Variants in PUS7L observed in about 807,000 individuals in gnomAD.
PUS7L encodes the protein pseudouridylate synthase PUS7L.
PUS7L carries 49 observed loss-of-function variants against 51.1 expected under a neutral mutation model. The observed-to-expected ratio is 0.96, with a 90% CI of 0.76 to 1.22. The LOEUF (loss-of-function observed/expected upper bound fraction) is 1.22, where lower values mean the gene tolerates loss of function less well. PUS7L is among the 50% of genes most tolerant of loss of function. The pLI, the probability that PUS7L is intolerant of heterozygous loss-of-function variation, is 0.00. For synonymous variants in PUS7L, 277 were observed against 276.2 expected (o/e 1.00, Z -0.03); for missense variants, 828 against 820.6 (o/e 1.01, Z -0.11).
chr12:43,756,978 C>T (rs549054973), intron 1 of PUS7L, among the ~76,000 whole-genome samples: 1 of 152,322 alleles, frequency 6.6e-6, no homozygotes, highest in South Asian at 2.1e-4. Context: ...AGGGACCCTG[C>T]TTATTCTCCA....
Position 43,723,789 on chromosome 12 carries a change from A to G in PUS7L, c.*6587T>C, listed in dbSNP as rs912026873. The G allele has an allele frequency of 6.6e-6, 1 of 152,122 alleles. No homozygotes were observed. The highest frequency in any genetic ancestry group is 2.4e-5 in the African/African-American group (1 of 41,430). 9.4% of individuals were successfully genotyped at this position (152,122 alleles called of 1,614,324 possible). A position where few individuals can be genotyped will look rare whatever the true frequency, so the allele number is the denominator to read the frequency against. On this transcript the variant is annotated 3_prime_UTR_variant, in exon 9 of 9. Transcript: ENST00000344862. ...AAACAGATTAAAACAGTACTATAAG[A>G]GAATCTTTCTGAAACTAGAAAGCAA...
chr12:43,734,946 A>C (rs919127004), intron 7 of PUS7L, among the ~76,000 whole-genome samples: 4 of 152,202 alleles, frequency 2.6e-5, no homozygotes, highest in African/African-American at 9.7e-5. Context: ...TTCTTTTTGC[A>C]TTACAGCACT....
At chr12:43,733,187 A>C (rs970885773) in intron 7 of PUS7L, among the ~76,000 whole-genome samples, 1 of 149,490 alleles carries the variant, frequency 6.7e-6, no homozygotes, top group Non-Finnish European at 1.5e-5. Context: ...CACACACACA[A>C]AGAAAAGTTA....
intron 5 of PUS7L, chr12:43,738,827 G>A (rs1937741112): frequency 3.3e-6 from 1 of 306,128 alleles, no homozygotes; most frequent in Non-Finnish European, 6.5e-6. Context: ...GTCATTTCAG[G>A]TTCTTAACAA....
rs1944420589 is a variant in PUS7L, at chr12:43,723,485, T to A, written c.*6891A>T. On this transcript the variant is annotated 3_prime_UTR_variant, in exon 9 of 9. Coordinates refer to ENST00000344862, the MANE Select transcript of PUS7L (RefSeq NM_031292.5). ...GAGAGGTCAAGTAACATATTATTGG[T>A]CATACAGTGAGCTGTAAGTGAAATG... 1 of 152,124 alleles carries A rather than the reference T, an allele frequency of 6.6e-6. No individual in the cohort carries two copies. The highest frequency in any genetic ancestry group is 2.4e-5 in the African/African-American group (1 of 41,452). The allele number at this position is 152,124 out of a possible 1,614,324, so 9.4% of individuals were successfully genotyped here. A position where few individuals can be genotyped will look rare whatever the true frequency, so the allele number is the denominator to read the frequency against.
At chr12:43,758,167 A>G in intron 1 of PUS7L, 1 of 330,802 alleles carries the variant, frequency 3.0e-6, no homozygotes, top group Non-Finnish European at 4.3e-6. Flanking sequence ...CTGAAAGAAT[A>G]ATGATCTTTT....
chr12:43,744,104 G>T (rs1938046769), intron 4 of PUS7L, among the ~76,000 whole-genome samples: 1 of 152,050 alleles, frequency 6.6e-6, no homozygotes, highest in Non-Finnish European at 1.5e-5. Context: ...GAAAGACAGG[G>T]AATAAATGCT....
At position 43,755,075 on chromosome 12, in the gene PUS7L, A is replaced by G. The variant is rs1203926681; in HGVS notation, c.171T>C (p.Ile57=). The G allele has an allele frequency of 6.2e-7, 1 of 1,613,584 alleles. No homozygotes were observed. Among genetic ancestry groups the G allele is most frequent in the Admixed American group, 1.7e-5 (1 of 59,980 alleles). ...NKTIDEPIFK[I]SEIQLEPNNF... ...TATTTGGCTCAAGTTGTATTTCACT[A>G]ATCTTGAAAATAGGCTCATCGATGG... The change falls in exon 2 of 9, where the codon ATT becomes ATC. Residue 57 remains isoleucine (I), a synonymous_variant. Transcript: ENST00000344862.
Position 43,754,822 on chromosome 12 carries a change from A to C in PUS7L, c.424T>G (p.Cys142Gly), listed in dbSNP as rs144451161. ...GAAAGCCACTTCTCTCTTACATCAC[A>C]GGCAAAATTATTCAGTAACTCATGA... The part of the protein sequence containing the change: ...KTHELLNNFA[C>G]DVREKWLSKT... The change falls in exon 2 of 9, where the codon TGT becomes GGT. Residue 142 changes from cysteine to glycine, a missense_variant. Coordinates refer to ENST00000344862, the MANE Select transcript of PUS7L (RefSeq NM_031292.5). 1.0e-4 allele frequency: 164 copies of C among 1,613,730 alleles called. 1 individual carries two copies. In the Middle Eastern group the frequency reaches 6.9e-3, roughly 68 times the overall value.
At chr12:43,739,538 A>C (rs1937789422) in intron 5 of PUS7L, 1 of 152,328 alleles carries the variant, frequency 6.6e-6, no homozygotes, top group African/African-American at 2.4e-5. Context: ...GGTTCAACCT[A>C]TTCTCTTGCC....
chr12:43,731,056 G>C (rs1592156387), intron 8 of PUS7L, among the ~76,000 whole-genome samples: 1 of 152,214 alleles, frequency 6.6e-6, no homozygotes, highest in Middle Eastern at 3.4e-3. Context: ...AACCTCTACT[G>C]CTCAGTCACA....
rs1565621595 is a variant in PUS7L at position 43,720,818 on chromosome 12, C to T, written c.*9558G>A. 6.6e-6 allele frequency: 1 copy of T among 152,136 alleles called. No homozygotes were observed. Among genetic ancestry groups the T allele is most frequent in the East Asian group, 1.9e-4 (1 of 5,194 alleles). The allele number at this position is 152,136 out of a possible 1,614,324, so 9.4% of individuals were successfully genotyped here. ...CAATGTAGTTTTTTAATTTACACTG[C>T]TTGGGATTCACTGAACTTCTTAAAT... On this transcript the variant is annotated 3_prime_UTR_variant, in exon 9 of 9. Coordinates refer to ENST00000344862, the MANE Select transcript of PUS7L (RefSeq NM_031292.5).
In PUS7L at chr12:43,755,268, A is replaced by G; in HGVS notation, c.-16-7T>C. On this transcript the variant is annotated splice_polypyrimidine_tract_variant and splice_region_variant and intron_variant, in intron 1 of 8. Coordinates refer to ENST00000344862, the MANE Select transcript of PUS7L (RefSeq NM_031292.5). ...CATTCTTCTATAACAGTGCCTAGAA[A>G]ACAAAACAAAGAGGTGGTTAGTTAA... 6.6e-7 allele frequency: 1 copy of G among 1,515,072 alleles called. No homozygotes were observed. The highest frequency in any genetic ancestry group is 1.3e-5 in the South Asian group (1 of 76,310). 93.9% of individuals were successfully genotyped at this position (1,515,072 alleles called of 1,614,324 possible). A position where few individuals can be genotyped will look rare whatever the true frequency, so the allele number is the denominator to read the frequency against.
chr12:43,748,712 G>C, intron 2 of PUS7L, 103 bp from the exon 3 acceptor site: 1 of 983,264 alleles, frequency 1.0e-6, no homozygotes, highest in Non-Finnish European at 1.4e-6. Flanking sequence ...ATTAATCTAA[G>C]GAGTTTTGTT....
rs1944414483 is a variant in PUS7L at position 43,722,956 on chromosome 12, T to C, written c.*7420A>G. The C allele has an allele frequency of 6.6e-6, 1 of 152,126 alleles. No individual in the cohort carries two copies. The highest frequency in any genetic ancestry group is 1.5e-5 in the Non-Finnish European group (1 of 67,962). 9.4% of individuals were successfully genotyped at this position (152,126 alleles called of 1,614,324 possible). A position where few individuals can be genotyped will look rare whatever the true frequency, so the allele number is the denominator to read the frequency against. On this transcript the variant is annotated 3_prime_UTR_variant, in exon 9 of 9. Coordinates refer to ENST00000344862, the MANE Select transcript of PUS7L (RefSeq NM_031292.5). ...AAGGAGTGACCAGCTCTTTGATCTC[T>C]TCTCTTTTAAAATAACCAAATAGCT...
At chr12:43,746,387 A>G (rs1938173153) in intron 3 of PUS7L, 149 bp from the exon 4 acceptor site, 2 of 510,738 alleles carry the variant, frequency 3.9e-6, no homozygotes. Context: ...ATGTTATTTC[A>G]CCAAATGTGT....
chr12:43,734,616 C>T (rs913549123), intron 7 of PUS7L, among the ~76,000 whole-genome samples: 2 of 152,114 alleles, frequency 1.3e-5, no homozygotes, highest in East Asian at 3.9e-4. Context: ...TTTGAAAAAC[C>T]GGACCATGTT....
chr12:43,737,456 T>A (rs914435629), intron 6 of PUS7L, among the ~76,000 whole-genome samples: 2 of 151,966 alleles, frequency 1.3e-5, no homozygotes, highest in African/African-American at 2.4e-5. Flanking sequence ...AAATAATAAA[T>A]AAATATTTGA....
At chr12:43,733,580 C>G (rs1270001088) in intron 7 of PUS7L, among the ~76,000 whole-genome samples, 1 of 152,142 alleles carries the variant, frequency 6.6e-6, no homozygotes, top group Non-Finnish European at 1.5e-5. Context: ...ATGAAGAAGT[C>G]TTATAAAACT....
Sources: gnomAD v4.1 joint callset for allele counts (sites outside exome capture counted in the v4.1 genomes callset) on GRCh38, gnomAD v4.1.1 for gene constraint, MANE v1.5 for transcripts, NCBI Gene and HGNC (gene_info 2026-07-23, HGNC 2026-07-21) for gene names.